Variants in SNX11 observed in about 807,000 individuals in gnomAD.
The protein encoded by SNX11 is sorting nexin 11.
SNX11 carries 19 observed loss-of-function variants against 30.7 expected under a neutral mutation model. The ratio of observed to expected loss-of-function variants is 0.62; its 90% CI spans 0.43 to 0.91. SNX11 has a LOEUF of 0.91. SNX11 is among the 40% of genes least tolerant of loss of function. The probability of loss-of-function intolerance (pLI) is 0.00; values close to 1 mark genes in which losing one functional copy is unlikely to be tolerated. For missense variants in SNX11, 302 were observed against 326.7 expected, an observed-to-expected ratio of 0.92 and a Z score of 0.58; for synonymous variants, 112 against 119.0, an observed-to-expected ratio of 0.94 and a Z score of 0.38.
rs139068089 is a variant in SNX11, at chr17:48,121,342, C to T, written c.647C>T (p.Pro216Leu). ...GCTCCAGTTGTTGACTCTGAGGTTC[C>T]TTCCTTGGAAAGTCCCACTCTCCCA... ...VWAPVVDSEV[P>L]SLESPTLPPL... is the part of the protein sequence containing the mutation. The change falls in exon 7 of 7, where the codon CCT becomes CTT. Residue 216 changes from proline to leucine, a missense_variant. Physicochemically the swap from Pro to Leu is moderately conservative, Grantham distance 98. Transcript: ENST00000359238. The T allele has an allele frequency of 6.2e-7, 1 of 1,614,180 alleles. No homozygotes were observed. Among genetic ancestry groups the T allele is most frequent in the Non-Finnish European group, 8.5e-7 (1 of 1,180,024 alleles).
rs2063474094 is a variant in SNX11, at chr17:48,109,881, G to T, written c.-14+2043G>T. On this transcript the variant is annotated intron_variant, in intron 1 of 6. Transcript: ENST00000359238. ...AGGAAAGAAGAATTTCTTCATGAAG[G>T]TAGTGCAGGGCCCTATACAAACTTC... Among the ~76,000 whole-genome samples, 3 of 152,158 alleles carry T rather than the reference G, an allele frequency of 2.0e-5. No individual in the cohort carries two copies. The South Asian group carries it at 6.2e-4, about 31-fold the overall frequency.
At chr17:48,115,943 CTTTTT>C (rs34017840) in intron 4 of SNX11, among the ~76,000 whole-genome samples, 1 of 130,290 alleles carries the variant, frequency 7.7e-6, no homozygotes, top group African/African-American at 2.8e-5. Flanking sequence ...CTTTTTCTTT[CTTTTT>C]TTTTTTTTTT....
intron 1 of SNX11, chr17:48,111,119 G>A: frequency 1.0e-6 from 1 of 985,428 alleles, no homozygotes; most frequent in East Asian, 1.1e-4. Context: ...TGGCATGTCA[G>A]GAGAGGAAGT....
Position 48,119,092 on chromosome 17 carries a change from G to A in SNX11, c.445G>A (p.Asp149Asn). The part of the protein sequence containing the change: ...VQGRSTMTVS[D>N]AILRYAMSNC... Reference sequence around the variant, plus strand: ...GGGCCGAAGTACCATGACTGTGTCTGATGCCATTCTTCGATATGCTATGTC... The same window carrying A: ...GGGCCGAAGTACCATGACTGTGTCTAATGCCATTCTTCGATATGCTATGTC... Residue 149 changes from aspartate to asparagine, a missense_variant, in exon 6 of 7, where the codon GAT becomes AAT. Physicochemically the swap from Asp to Asn is conservative, Grantham distance 23 (BLOSUM62 1). Transcript: ENST00000359238. 1 of 1,614,142 alleles carries A rather than the reference G, an allele frequency of 6.2e-7. No individual in the cohort carries two copies. The highest frequency in any genetic ancestry group is 8.5e-7 in the Non-Finnish European group (1 of 1,180,016).
chr17:48,109,341 C>T (rs1454547217), intron 1 of SNX11, among the ~76,000 whole-genome samples: 1 of 145,960 alleles, frequency 6.9e-6, no homozygotes, highest in East Asian at 2.1e-4. Flanking sequence ...CTCACTGCAA[C>T]CTCCACCTCC....
chr17:48,113,073 C>T lies in SNX11; in HGVS notation c.130-228C>T, dbSNP rs142259164. On this transcript the variant is annotated intron_variant, in intron 3 of 6. Transcript: ENST00000359238. ...TATTTTTGAGTGTTTCTGGTGGACC[C>T]GAGACAGAAGACTTAGAAGAAAGGG... 4.0e-3 allele frequency among the ~76,000 whole-genome samples: 614 copies of T among 151,940 alleles called. 11 individuals carry two copies. Among genetic ancestry groups the T allele is most frequent in the Admixed American group, 0.021 (315 of 15,238 alleles).
chr17:48,119,930 C>G lies in SNX11; in HGVS notation c.539+744C>G, dbSNP rs900844423. On this transcript the variant is annotated intron_variant, in intron 6 of 6. Transcript: ENST00000359238. Reference sequence around the variant, plus strand: ...GTGACTCCCCTGTCCTTCCCTCCCCCCCAGCTCCTGGCAACCACTAGTCTA... The same window carrying G: ...GTGACTCCCCTGTCCTTCCCTCCCCGCCAGCTCCTGGCAACCACTAGTCTA... Among the ~76,000 whole-genome samples the G allele has an allele frequency of 1.2e-4, 19 of 152,160 alleles. No individual in the cohort carries two copies. In the South Asian group the frequency reaches 1.7e-3, roughly 13 times the overall value.
In SNX11 at chr17:48,121,155, T is replaced by A. The variant is rs2063596838; in HGVS notation, c.540-80T>A. On this transcript the variant is annotated intron_variant, in intron 6 of 6. Coordinates refer to ENST00000359238, the MANE Select transcript of SNX11 (RefSeq NM_013323.3). ...CACATGCCAACATCCCTGGCTAATT[T>A]ATTTTTTTGTAGAGACGGAGTCTCC... 6 of 1,466,718 alleles carry A rather than the reference T, an allele frequency of 4.1e-6. 1 individual carries two copies. The South Asian group carries it at 7.7e-5, about 19-fold the overall frequency. 90.9% of individuals were successfully genotyped at this position (1,466,718 alleles called of 1,614,324 possible).
chr17:48,109,265 C>CT (rs35219376), intron 1 of SNX11, among the ~76,000 whole-genome samples: 69,425 of 139,880 alleles, frequency 0.5, 18,357 homozygotes, highest in East Asian at 0.71. Flanking sequence ...CTGAAACTTT[C>CT]TTTTTTTTTT....
rs1483916059 is a variant in SNX11 at position 48,112,023 on chromosome 17, C to T, written c.-13-8C>T. The T allele has an allele frequency of 6.8e-6, 11 of 1,608,478 alleles. No homozygotes were observed. In the South Asian group the frequency reaches 1.1e-4, roughly 16 times the overall value. On this transcript the variant is annotated splice_region_variant and splice_polypyrimidine_tract_variant and intron_variant, in intron 1 of 6. Transcript: ENST00000359238. ...AACCTTGATCCTGTATCCTCTGTCC[C>T]TCATCAGATGTTTCCTTCCAATGGG...
At chr17:48,111,995 A>G (rs751896854) in intron 1 of SNX11, 36 bp from the exon 2 acceptor site, 1 of 1,537,822 alleles carries the variant, frequency 6.5e-7, no homozygotes, top group Non-Finnish European at 9.0e-7. Flanking sequence ...ACAGAGGCAT[A>G]CTAACCTTGA....
rs746434356 is a variant in SNX11 at position 48,118,694 on chromosome 17, G to T, written c.231-10G>T. ...ACTTATCATGGGTGTTATATCATGT[G>T]GCTGCACAGGCCTGTTCCTGAACTT... On this transcript the variant is annotated splice_polypyrimidine_tract_variant and intron_variant, in intron 4 of 6. Coordinates refer to ENST00000359238, the MANE Select transcript of SNX11 (RefSeq NM_013323.3). 3 of 1,606,532 alleles carry T rather than the reference G, an allele frequency of 1.9e-6. No individual in the cohort carries two copies. The South Asian group carries it at 3.3e-5, about 18-fold the overall frequency.
At chr17:48,116,102 A>T (rs2144520131) in intron 4 of SNX11, among the ~76,000 whole-genome samples, 1 of 152,182 alleles carries the variant, frequency 6.6e-6, no homozygotes, top group Middle Eastern at 3.4e-3. Flanking sequence ...TACTAAAAAT[A>T]CAAAAAACTA....
upstream of SNX11, chr17:48,107,590 G>A (rs1389857498): frequency 6.6e-6 from 1 of 152,294 alleles, no homozygotes; most frequent in Non-Finnish European, 1.5e-5. Context: ...ACTCTCCGGC[G>A]TCCCAAGTGA....
At chr17:48,113,274 A>G in intron 3 of SNX11, 27 bp from the exon 4 acceptor site, 1 of 1,576,306 alleles carries the variant, frequency 6.3e-7, no homozygotes, top group South Asian at 1.1e-5. Flanking sequence ...AACCCTTTTC[A>G]TGTACTTCAT....
Position 48,121,418 on chromosome 17 carries a change from C to A in SNX11, c.723C>A (p.Thr241=). 1.2e-6 allele frequency: 2 copies of A among 1,614,146 alleles called. No individual in the cohort carries two copies. The highest frequency in any genetic ancestry group is 1.7e-6 in the Non-Finnish European group (2 of 1,179,988). Residue 241 remains threonine, a synonymous_variant, in exon 7 of 7, where the codon ACC becomes ACA. Transcript: ENST00000359238. ...ATTTTGGAAGACCCAAAGAGGGAACCTCCACTCTTCAGTCTGTGAGGAGGG... is the reference window on the plus strand; with the variant it reads ...ATTTTGGAAGACCCAAAGAGGGAACATCCACTCTTCAGTCTGTGAGGAGGG... ...CCDFGRPKEG[T]STLQSVRRAV...
intron 4 of SNX11, 40 bp from the exon 5 acceptor site, chr17:48,118,664 G>A (rs1368845042): frequency 3.5e-6 from 5 of 1,412,340 alleles, no homozygotes; most frequent in Admixed American, 3.4e-5. Flanking sequence ...TATCTTAGAT[G>A]TTACACTTAT....
At chr17:48,117,296 C>A (rs551255456) in intron 4 of SNX11, among the ~76,000 whole-genome samples, 16 of 150,572 alleles carry the variant, frequency 1.1e-4, no homozygotes, top group South Asian at 1.0e-3. Flanking sequence ...CTCTTGTTGC[C>A]CAGGCTGGAG....
At chr17:48,116,283 T>C (rs1231871674) in intron 4 of SNX11, among the ~76,000 whole-genome samples, 1 of 152,036 alleles carries the variant, frequency 6.6e-6, no homozygotes, top group African/African-American at 2.4e-5. Context: ...TACAAAAAAA[T>C]GTGAGCCTCA....
Sources: gnomAD v4.1 joint callset for allele counts (sites outside exome capture counted in the v4.1 genomes callset) on GRCh38, gnomAD v4.1.1 for gene constraint, MANE v1.5 for transcripts, NCBI Gene and HGNC (gene_info 2026-07-23, HGNC 2026-07-21) for gene names.